RGS5: variants seen among roughly 807,000 people sequenced by gnomAD.
RGS5 encodes regulator of G protein signaling 5.
Under a neutral mutation model 18.9 loss-of-function variants are expected in RGS5, and 20 were observed. The observed-to-expected ratio is 1.06, with a 90% CI of 0.74 to 1.54. RGS5 has a LOEUF of 1.54. Ranked by LOEUF, RGS5 falls within the 40% of genes most tolerant of loss-of-function variation. The pLI is 0.00. For missense variants in RGS5, 201 were observed against 211.8 expected, an observed-to-expected ratio of 0.95 and a Z score of 0.32; for synonymous variants, 57 against 76.2, an observed-to-expected ratio of 0.75 and a Z score of 1.31.
intron 2 of RGS5, among the ~76,000 whole-genome samples, chr1:163,243,750 C>T (rs1286424179): frequency 6.7e-6 from 1 of 148,780 alleles, no homozygotes; most frequent in Non-Finnish European, 1.5e-5. Flanking sequence ...GCATATGTAT[C>T]CCAGAAATTA....
intron 2 of RGS5, among the ~76,000 whole-genome samples, chr1:163,292,674 A>G (rs6698644): frequency 0.42 from 62,983 of 151,758 alleles, 13,528 homozygotes; most frequent in South Asian, 0.5. Flanking sequence ...AACCTCACCA[A>G]CATCTGCTGT....
At chr1:163,299,317 A>C (rs1649498227) in intron 2 of RGS5, among the ~76,000 whole-genome samples, 1 of 152,194 alleles carries the variant, frequency 6.6e-6, no homozygotes, top group Admixed American at 6.5e-5. Flanking sequence ...TGACAATCTA[A>C]GTGCCTATCT....
intron 1 of RGS5, among the ~76,000 whole-genome samples, chr1:163,318,402 C>T (rs545683512): frequency 1.3e-5 from 2 of 152,054 alleles, no homozygotes; most frequent in East Asian, 1.9e-4. Flanking sequence ...ATGGATTTGG[C>T]GGTGTAGGTG....
chr1:163,174,472 G>A (rs1255185931), intron 1 of RGS5, among the ~76,000 whole-genome samples: 2 of 152,170 alleles, frequency 1.3e-5, no homozygotes, highest in African/African-American at 4.8e-5. Context: ...GGGTGGAGTA[G>A]GTGAAATATT....
chr1:163,240,406 G>A (rs924558317), intron 2 of RGS5, among the ~76,000 whole-genome samples: 7 of 151,768 alleles, frequency 4.6e-5, no homozygotes, highest in African/African-American at 1.7e-4. Context: ...GTTCTAGAAT[G>A]GGTGGAACTA....
At chr1:163,219,041 T>TTAC (rs143288946), upstream of RGS5, among the ~76,000 whole-genome samples, 370 of 152,262 alleles carry the variant, frequency 2.4e-3, 6 homozygotes, top group African/African-American at 8.6e-3. Context: ...TGGATAGAAT[T>TTAC]TACGGCTCTC....
intron 2 of RGS5, among the ~76,000 whole-genome samples, chr1:163,254,727 C>T (rs996723097): frequency 3.3e-4 from 50 of 152,210 alleles, no homozygotes; most frequent in African/African-American, 6.3e-4. Flanking sequence ...TGGCCCATGC[C>T]TATGTCCTGA....
At position 163,144,373 on chromosome 1, in the gene RGS5, C is replaced by A. The variant is rs1657047187; in HGVS notation, c.*2969G>T. 1 of 152,118 alleles carries A rather than the reference C, an allele frequency of 6.6e-6. No individual in the cohort carries two copies. The highest frequency in any genetic ancestry group is 2.4e-5 in the African/African-American group (1 of 41,438). 9.4% of individuals were successfully genotyped at this position (152,118 alleles called of 1,614,324 possible). On this transcript the variant is annotated 3_prime_UTR_variant, in exon 5 of 5. Transcript: ENST00000313961. ...TGATGTAATTTAGATCTTAATCTAA[C>A]CCCAACCCTAAACTATATCAAACCC...
intron 2 of RGS5, among the ~76,000 whole-genome samples, chr1:163,292,881 A>G (rs1337491489): frequency 4.6e-5 from 7 of 151,848 alleles, no homozygotes; most frequent in Non-Finnish European, 1.0e-4. Flanking sequence ...GTTTTCTGGT[A>G]AATTTGTTTA....
chr1:163,257,641 A>G (rs957056190), intron 2 of RGS5, among the ~76,000 whole-genome samples: 4 of 152,224 alleles, frequency 2.6e-5, no homozygotes, highest in African/African-American at 9.6e-5. Context: ...TCAACACTAG[A>G]AAGTATCTCA....
chr1:163,266,133 T>C (rs1648567348), intron 2 of RGS5, among the ~76,000 whole-genome samples: 1 of 137,034 alleles, frequency 7.3e-6, no homozygotes, highest in African/African-American at 2.6e-5. Context: ...CAGAGGGATC[T>C]GCTCCTGTTT....
chr1:163,181,084 C>A (rs911845414), intron 1 of RGS5, among the ~76,000 whole-genome samples: 1 of 152,046 alleles, frequency 6.6e-6, no homozygotes, highest in Non-Finnish European at 1.5e-5. Context: ...GGTATGCAAC[C>A]TTTGCCTCTG....
chr1:163,257,332 T>A (rs953636247), intron 2 of RGS5, among the ~76,000 whole-genome samples: 5 of 151,772 alleles, frequency 3.3e-5, no homozygotes, highest in Non-Finnish European at 7.4e-5. Flanking sequence ...CCAAAGAGGA[T>A]TCTTTAGGGT....
chr1:163,291,068 T>C (rs1649271673), intron 2 of RGS5, among the ~76,000 whole-genome samples: 1 of 151,746 alleles, frequency 6.6e-6, no homozygotes, highest in Non-Finnish European at 1.5e-5. Flanking sequence ...GAATCCCCAG[T>C]ACTGCAGATA....
At chr1:163,199,910 A>T (rs1659710057) in intron 1 of RGS5, among the ~76,000 whole-genome samples, 1 of 152,104 alleles carries the variant, frequency 6.6e-6, no homozygotes, top group Non-Finnish European at 1.5e-5. Flanking sequence ...TCCTCAAGGG[A>T]TCTTCCTGCC....
chr1:163,152,509 A>C (rs935067424), intron 4 of RGS5, 41 bp downstream of exon 4: 1 of 1,562,652 alleles, frequency 6.4e-7, no homozygotes, highest in Admixed American at 2.0e-5. Context: ...CCTGAGAGCT[A>C]ATGAGCTGCC....
intron 4 of RGS5, among the ~76,000 whole-genome samples, chr1:163,148,724 C>T (rs907868384): frequency 3.3e-5 from 5 of 152,168 alleles, no homozygotes; most frequent in South Asian, 4.1e-4. Flanking sequence ...CTAGGGTCTA[C>T]GTGAATGGTT....
chr1:163,263,872 C>T (rs1557924282), intron 2 of RGS5, among the ~76,000 whole-genome samples: 1 of 150,902 alleles, frequency 6.6e-6, no homozygotes, highest in South Asian at 2.1e-4. Flanking sequence ...ATGCTCCATG[C>T]CTTATTTCCT....
At chr1:163,310,537 T>C (rs1176298725) in intron 1 of RGS5, among the ~76,000 whole-genome samples, 1 of 138,956 alleles carries the variant, frequency 7.2e-6, no homozygotes, top group East Asian at 2.1e-4. Context: ...ATTGCGCGAC[T>C]GCACTCCAGC....
Sources: gnomAD v4.1 joint callset for allele counts (sites outside exome capture counted in the v4.1 genomes callset) on GRCh38, gnomAD v4.1.1 for gene constraint, MANE v1.5 for transcripts, NCBI Gene and HGNC (gene_info 2026-07-23, HGNC 2026-07-21) for gene names.